Variants in BAHD1 observed in about 807,000 individuals in gnomAD.
BAHD1 encodes the protein bromo adjacent homology domain-containing 1 protein.
A neutral mutation model predicts 63.1 loss-of-function variants in BAHD1; 20 were observed. The ratio of observed to expected loss-of-function variants is 0.32; its 90% CI spans 0.22 to 0.46. The LOEUF (loss-of-function observed/expected upper bound fraction) is 0.46, where lower values mean the gene tolerates loss of function less well. Ranked by LOEUF, BAHD1 falls within the 20% of genes least tolerant of loss-of-function variation. The pLI is 1.00. For synonymous variants in BAHD1, 408 were observed against 426.8 expected, an observed-to-expected ratio of 0.96 and a Z score of 0.54; for missense variants, 939 against 1,071.8, an observed-to-expected ratio of 0.88 and a Z score of 1.73.
At chr15:40,449,826 A>G (rs1419823293) in intron 1 of BAHD1, among the ~76,000 whole-genome samples, 2 of 151,878 alleles carry the variant, frequency 1.3e-5, no homozygotes, top group African/African-American at 2.4e-5. Flanking sequence ...AAAAAAAAAA[A>G]AAAAAAGAAA....
At chr15:40,461,871 T>G in intron 2 of BAHD1, 41 bp from the exon 3 acceptor site, 1 of 1,527,472 alleles carries the variant, frequency 6.5e-7, no homozygotes, top group South Asian at 1.3e-5. Flanking sequence ...GTGATGGGGG[T>G]CACTGCTTGT....
Position 40,466,409 on chromosome 15 carries a change from A to G in BAHD1, c.*279A>G. Reference sequence around the variant, plus strand: ...GATTTCCGAAAAGTAGTCTTCTCTGAGGCTGGGCCAAGCCTGAGGGAAATG... The same window carrying G: ...GATTTCCGAAAAGTAGTCTTCTCTGGGGCTGGGCCAAGCCTGAGGGAAATG... On this transcript the variant is annotated 3_prime_UTR_variant, in exon 7 of 7. Coordinates refer to ENST00000416165, the MANE Select transcript of BAHD1 (RefSeq NM_014952.5). The G allele has an allele frequency of 8.4e-6, 1 of 119,164 alleles. No individual in the cohort carries two copies. The highest frequency in any genetic ancestry group is 1.6e-5 in the Non-Finnish European group (1 of 63,692). The allele number at this position is 119,164 out of a possible 1,614,324, so 7.4% of individuals were successfully genotyped here.
intron 1 of BAHD1, among the ~76,000 whole-genome samples, chr15:40,456,192 A>T (rs1445191379): frequency 1.3e-5 from 2 of 151,876 alleles, no homozygotes; most frequent in African/African-American, 2.4e-5. Context: ...ATTAGCCAGG[A>T]TGGTCTTGAT....
rs1893908603 is a variant in BAHD1, at chr15:40,458,317, A to T, written c.-14-134A>T. On this transcript the variant is annotated intron_variant, in intron 1 of 6. Coordinates refer to ENST00000416165, the MANE Select transcript of BAHD1 (RefSeq NM_014952.5). The surrounding 1 kb of genome is among the most constrained non-coding windows in gnomAD (Gnocchi z 4.7). ...ACACTCTGGAAAGGGAGTCCCAGGA[A>T]AATCCATACTGGAGACAGGGTAGTT... 1 of 1,221,974 alleles carries T rather than the reference A, an allele frequency of 8.2e-7. No homozygotes were observed. The highest frequency in any genetic ancestry group is 1.1e-6 in the Non-Finnish European group (1 of 902,886). The allele number at this position is 1,221,974 out of a possible 1,614,324, so 75.7% of individuals were successfully genotyped here.
Position 40,450,451 on chromosome 15 carries a change from G to A in BAHD1, c.-14-8000G>A, listed in dbSNP as rs974873015. 3.9e-5 allele frequency among the ~76,000 whole-genome samples: 6 copies of A among 152,324 alleles called. No homozygotes were observed. In the East Asian group the frequency reaches 1.2e-3, roughly 29 times the overall value. On this transcript the variant is annotated intron_variant, in intron 1 of 6. Transcript: ENST00000416165. Reference sequence around the variant, plus strand: ...AGTTGTTGGTCCATGTAATGTCCTGGTGGTTGAACCAACACTCGTTCTTTG... The same window carrying A: ...AGTTGTTGGTCCATGTAATGTCCTGATGGTTGAACCAACACTCGTTCTTTG...
intron 1 of BAHD1, among the ~76,000 whole-genome samples, chr15:40,456,829 AG>A (rs1209624952): frequency 6.6e-6 from 1 of 152,224 alleles, no homozygotes; most frequent in East Asian, 1.9e-4. Flanking sequence ...GATGGGTTGC[AG>A]GAGTACCTGG....
chr15:40,457,003 C>G (rs1244275671), intron 1 of BAHD1, among the ~76,000 whole-genome samples: 2 of 152,214 alleles, frequency 1.3e-5, no homozygotes, highest in Non-Finnish European at 2.9e-5. Context: ...GCCTCTCACT[C>G]AGAACTGGGG....
At chr15:40,441,530 C>T (rs1893401542) in intron 1 of BAHD1, among the ~76,000 whole-genome samples, 2 of 150,500 alleles carry the variant, frequency 1.3e-5, no homozygotes, top group South Asian at 4.1e-4. Context: ...CGCGGCGCGC[C>T]TCGAGGTGAC....
intron 1 of BAHD1, among the ~76,000 whole-genome samples, chr15:40,449,065 C>G (rs1381765470): frequency 6.6e-6 from 1 of 152,138 alleles, no homozygotes; most frequent in African/African-American, 2.4e-5. Flanking sequence ...ATCCACCCAC[C>G]TCGGCCTCCC....
chr15:40,441,472 G>C lies in BAHD1; in HGVS notation c.-15+204G>C, dbSNP rs927984933. Among the ~76,000 whole-genome samples, 205 of 151,238 alleles carry C rather than the reference G, an allele frequency of 1.4e-3. 1 individual carries two copies. Among genetic ancestry groups the C allele is most frequent in the Non-Finnish European group, 2.8e-3 (188 of 67,680 alleles). ...CAGGTGCGGCCGCCCGCCCGCTCGC[G>C]CCACCTCCCTCCCCTGGGTCCGGCA... is the stretch of plus-strand genomic sequence containing the variant. On this transcript the variant is annotated intron_variant, in intron 1 of 6. Coordinates refer to ENST00000416165, the MANE Select transcript of BAHD1 (RefSeq NM_014952.5).
chr15:40,447,589 AATAAATAAATAAATAAAT>A (rs1462202719), intron 1 of BAHD1, among the ~76,000 whole-genome samples: 1 of 150,418 alleles, frequency 6.6e-6, no homozygotes, highest in East Asian at 2.0e-4. Context: ...TAAATAAATA[AATAAATAAATAAATAAAT>A]AAATAAAAAT....
chr15:40,454,902 A>G (rs1472944063), intron 1 of BAHD1, among the ~76,000 whole-genome samples: 1 of 152,182 alleles, frequency 6.6e-6, no homozygotes, highest in Non-Finnish European at 1.5e-5. Context: ...CCAGCCCTGT[A>G]GCTGGGCCAT....
chr15:40,438,204 G>A (rs558004200), upstream of BAHD1, among the ~76,000 whole-genome samples: 4 of 152,282 alleles, frequency 2.6e-5, no homozygotes, highest in East Asian at 1.9e-4. Flanking sequence ...TTACAGGACC[G>A]AAGGAAGGAG....
rs1467593130 is a variant in BAHD1, at chr15:40,468,001, C to T, written c.*1871C>T. On this transcript the variant is annotated 3_prime_UTR_variant, in exon 7 of 7. Coordinates refer to ENST00000416165, the MANE Select transcript of BAHD1 (RefSeq NM_014952.5). Reference sequence around the variant, plus strand: ...TCTCTTAGATGTGGAAATATTTTTTCGAACCTGAAAATGCAGCTGGTAGAA... The same window carrying T: ...TCTCTTAGATGTGGAAATATTTTTTTGAACCTGAAAATGCAGCTGGTAGAA... 1 of 152,522 alleles carries T rather than the reference C, an allele frequency of 6.6e-6. No individual in the cohort carries two copies. The highest frequency in any genetic ancestry group is 1.9e-4 in the East Asian group (1 of 5,184). 9.4% of individuals were successfully genotyped at this position (152,522 alleles called of 1,614,324 possible). A position where few individuals can be genotyped will look rare whatever the true frequency, so the allele number is the denominator to read the frequency against.
Position 40,459,089 on chromosome 15 carries a change from G to A in BAHD1, c.625G>A (p.Ala209Thr), listed in dbSNP as rs1322844342. The A allele has an allele frequency of 1.1e-5, 17 of 1,612,654 alleles. No homozygotes were observed. The highest frequency in any genetic ancestry group is 2.2e-5 in the South Asian group (2 of 91,024). The change falls in exon 2 of 7, where the codon GCA becomes ACA. Residue 209 changes from alanine (A) to threonine (T), a missense_variant. This residue lies in a region of BAHD1 where 797 missense variants were observed against 813.3 expected (regional missense o/e 0.98). Transcript: ENST00000416165. Reference protein sequence around the residue: ...PAPKRLASLNAAAFLKLSQER... With the variant: ...PAPKRLASLNTAAFLKLSQER... Reference sequence around the variant, plus strand: ...TCCCAAGAGACTGGCTAGCCTGAACGCAGCTGCTTTCCTAAAACTGAGCCA... The same window carrying A: ...TCCCAAGAGACTGGCTAGCCTGAACACAGCTGCTTTCCTAAAACTGAGCCA...
intron 2 of BAHD1, among the ~76,000 whole-genome samples, chr15:40,461,357 G>C (rs1000998898): frequency 1.3e-5 from 2 of 152,130 alleles, no homozygotes; most frequent in African/African-American, 4.8e-5. Context: ...TAATATCAGG[G>C]CCAGGCGCGG....
intron 1 of BAHD1, among the ~76,000 whole-genome samples, chr15:40,445,369 C>T (rs1487191559): frequency 2.0e-5 from 3 of 151,928 alleles, no homozygotes; most frequent in South Asian, 4.1e-4. Flanking sequence ...AGGAATTCAG[C>T]CTCCTAGCAT....
intron 1 of BAHD1, among the ~76,000 whole-genome samples, chr15:40,448,252 A>G (rs1320400607): frequency 6.6e-6 from 1 of 152,194 alleles, no homozygotes; most frequent in African/African-American, 2.4e-5. Flanking sequence ...AAAAAAAAAA[A>G]AAAGTTTCTT....
At position 40,441,146 on chromosome 15, in the gene BAHD1, G is replaced by A. The variant is rs893834455; in HGVS notation, c.-137G>A. 1 of 150,052 alleles carries A rather than the reference G, an allele frequency of 6.7e-6. No individual in the cohort carries two copies. The highest frequency in any genetic ancestry group is 1.5e-5 in the Non-Finnish European group (1 of 67,404). 9.3% of individuals were successfully genotyped at this position (150,052 alleles called of 1,614,324 possible). ...CGCCCGGCCCCGGCCCCCAGGAGGA[G>A]GCGCTGACGCAGCAGCGTGGAGCCC... On this transcript the variant is annotated 5_prime_UTR_variant, in exon 1 of 7. Transcript: ENST00000416165.
Sources: gnomAD v4.1 joint callset for allele counts (sites outside exome capture counted in the v4.1 genomes callset) on GRCh38, gnomAD v4.1.1 for gene constraint, gnomAD v4.1.1 regional missense constraint, Gnocchi (gnomAD v3.1) non-coding constraint, MANE v1.5 for transcripts, NCBI Gene and HGNC (gene_info 2026-07-23, HGNC 2026-07-21) for gene names.